The following TMEM132B variants were observed in gnomAD, a reference collection of about 807,000 sequenced individuals.
TMEM132B encodes the protein transmembrane protein 132B.
In TMEM132B, 18 loss-of-function variants were observed where a neutral mutation model predicts 90.8. That is an observed-to-expected ratio of 0.20 (90% confidence interval 0.14 to 0.29). TMEM132B has a LOEUF of 0.29. TMEM132B is among the 10% of genes least tolerant of loss of function. TMEM132B has a pLI of 1.00. For missense variants in TMEM132B, 1,096 were observed against 1,326.8 expected (o/e 0.83, Z 2.70); for synonymous variants, 504 against 523.3 (o/e 0.96, Z 0.50).
At chr12:125,313,090 C>T (rs571013120) in intron 1 of TMEM132B, among the ~76,000 whole-genome samples, 10 of 152,218 alleles carry the variant, frequency 6.6e-5, no homozygotes, top group East Asian at 3.9e-4. Flanking sequence ...GGCTTGGCTG[C>T]GTACTGAATC....
intron 1 of TMEM132B, chr12:125,326,516 C>T (rs1876573243): frequency 3.1e-6 from 4 of 1,305,808 alleles, no homozygotes; most frequent in Non-Finnish European, 4.3e-6. Context: ...GTATAGTAAA[C>T]ATCGGCTTAA....
intron 3 of TMEM132B, among the ~76,000 whole-genome samples, chr12:125,427,359 C>T (rs1880348523): frequency 6.6e-6 from 1 of 152,130 alleles, no homozygotes; most frequent in Non-Finnish European, 1.5e-5. Flanking sequence ...CTCTTGGCTC[C>T]ATTATAGATG....
chr12:125,644,313 A>T, intron 6 of TMEM132B, 32 bp downstream of exon 6: 1 of 1,610,098 alleles, frequency 6.2e-7, no homozygotes, highest in East Asian at 2.2e-5. Context: ...TGTGGATCCG[A>T]TTGTCCTGGA....
chr12:125,351,497 G>A (rs1277850879), intron 2 of TMEM132B, among the ~76,000 whole-genome samples: 1 of 152,136 alleles, frequency 6.6e-6, no homozygotes, highest in Non-Finnish European at 1.5e-5. Flanking sequence ...GGGAAACAAA[G>A]TCCAGCCAAG....
Position 125,601,084 on chromosome 12 carries a change from C to T in TMEM132B, c.1437+17090C>T, listed in dbSNP as rs555166401. Reference sequence around the variant, plus strand: ...GAGACAGAAAGTTAAAAAGGATATGCAGGACTTGAACTCAGCTCTGGATCA... The same window carrying T: ...GAGACAGAAAGTTAAAAAGGATATGTAGGACTTGAACTCAGCTCTGGATCA... On this transcript the variant is annotated intron_variant, in intron 5 of 8. Coordinates refer to ENST00000682704, the MANE Select transcript of TMEM132B (RefSeq NM_001366854.1). 2.0e-5 allele frequency among the ~76,000 whole-genome samples: 3 copies of T among 152,258 alleles called. No individual in the cohort carries two copies. In the East Asian group the frequency reaches 5.8e-4, roughly 29 times the overall value.
chr12:125,581,251 C>T (rs1885046698), intron 4 of TMEM132B, among the ~76,000 whole-genome samples: 1 of 152,092 alleles, frequency 6.6e-6, no homozygotes, highest in Non-Finnish European at 1.5e-5. Context: ...TTTCTCTTTC[C>T]CTAGTGTCTA....
At chr12:125,457,582 G>A (rs917348621) in intron 3 of TMEM132B, among the ~76,000 whole-genome samples, 1 of 152,232 alleles carries the variant, frequency 6.6e-6, no homozygotes, top group African/African-American at 2.4e-5. Context: ...ACAACTCTGA[G>A]GGGAGAGGCC....
intron 5 of TMEM132B, among the ~76,000 whole-genome samples, chr12:125,622,139 G>A (rs928947311): frequency 6.6e-6 from 1 of 151,986 alleles, no homozygotes; most frequent in African/African-American, 2.4e-5. Context: ...CCTCATTTAG[G>A]TCACCTCCCT....
chr12:125,549,705 C>T (rs1884172245), intron 4 of TMEM132B, among the ~76,000 whole-genome samples: 1 of 152,182 alleles, frequency 6.6e-6, no homozygotes, highest in Non-Finnish European at 1.5e-5. Context: ...CTTCTGTTTT[C>T]ATTTCCTCCC....
intron 1 of TMEM132B, among the ~76,000 whole-genome samples, chr12:125,195,138 G>A (rs1872896161): frequency 6.6e-6 from 1 of 152,044 alleles, no homozygotes; most frequent in East Asian, 1.9e-4. Flanking sequence ...CATCCTTCCT[G>A]CCTTCCTGCC....
intron 6 of TMEM132B, among the ~76,000 whole-genome samples, chr12:125,650,156 G>A (rs1886869945): frequency 6.6e-6 from 1 of 152,020 alleles, no homozygotes; most frequent in Non-Finnish European, 1.5e-5. Context: ...TTGGTCTGGG[G>A]TTCCTAAAGG....
intron 5 of TMEM132B, among the ~76,000 whole-genome samples, chr12:125,593,043 A>G (rs1885354790): frequency 6.6e-6 from 1 of 152,244 alleles, no homozygotes; most frequent in Non-Finnish European, 1.5e-5. Context: ...GCAACGCTTG[A>G]CAAAAATTTA....
intron 3 of TMEM132B, among the ~76,000 whole-genome samples, chr12:125,431,473 T>C (rs879575871): frequency 6.6e-6 from 1 of 151,946 alleles, no homozygotes; most frequent in Non-Finnish European, 1.5e-5. Context: ...AAGGTGAGAG[T>C]GTCAGGAGAG....
At position 125,406,178 on chromosome 12, in the gene TMEM132B, C is replaced by T. The variant is rs1879471031; in HGVS notation, c.960-9353C>T. Reference sequence around the variant, plus strand: ...GTAGACTGTGAGTACCTTTTACTGTCCAAACAGGAATCTTCTTTATCTCCT... The same window carrying T: ...GTAGACTGTGAGTACCTTTTACTGTTCAAACAGGAATCTTCTTTATCTCCT... On this transcript the variant is annotated intron_variant, in intron 2 of 8. Coordinates refer to ENST00000682704, the MANE Select transcript of TMEM132B (RefSeq NM_001366854.1). This position sits in a 1 kb window ranked among gnomAD's most constrained non-coding sequence, Gnocchi z 8.3. Among the ~76,000 whole-genome samples, 1 of 152,172 alleles carries T rather than the reference C, an allele frequency of 6.6e-6. No homozygotes were observed. Among genetic ancestry groups the T allele is most frequent in the Non-Finnish European group, 1.5e-5 (1 of 68,044 alleles).
intron 1 of TMEM132B, among the ~76,000 whole-genome samples, chr12:125,278,595 A>G (rs1278841103): frequency 6.6e-6 from 1 of 151,428 alleles, no homozygotes; most frequent in Admixed American, 6.6e-5. Context: ...CTAGGTATTG[A>G]GCATTGAGCT....
chr12:125,482,542 G>C (rs1438862852), intron 3 of TMEM132B, among the ~76,000 whole-genome samples: 2 of 152,188 alleles, frequency 1.3e-5, no homozygotes. Flanking sequence ...AAACCACAAT[G>C]AGATACCATC....
In TMEM132B at chr12:125,350,148, A is replaced by G; in HGVS notation, c.764A>G (p.Gln255Arg). 1 of 1,614,232 alleles carries G rather than the reference A, an allele frequency of 6.2e-7. No individual in the cohort carries two copies. Among genetic ancestry groups the G allele is most frequent in the Non-Finnish European group, 8.5e-7 (1 of 1,180,024 alleles). ...ATCCACTCGGGCCTGGAGAGCCCCC[A>G]GCAAGCGTTTCCAGCCCGAGAGAGG... ...NNIHSGLESP[Q>R]QAFPARERIG... The change falls in exon 2 of 9, where the codon CAG becomes CGG. Residue 255 changes from glutamine (Q) to arginine (R), a missense_variant. Gln to Arg is a conservative substitution (Grantham distance 43). Coordinates refer to ENST00000682704, the MANE Select transcript of TMEM132B (RefSeq NM_001366854.1).
At chr12:125,409,642 A>AGGG (rs1879646878) in intron 2 of TMEM132B, among the ~76,000 whole-genome samples, 1 of 25,980 alleles carries the variant, frequency 3.8e-5, no homozygotes, top group Admixed American at 4.4e-4. Context: ...GGAGTGGAGG[A>AGGG]GTGGAGTGGA....
chr12:125,212,425 G>A (rs1202124417), intron 1 of TMEM132B, among the ~76,000 whole-genome samples: 1 of 152,064 alleles, frequency 6.6e-6, no homozygotes, highest in Non-Finnish European at 1.5e-5. Context: ...GGGCGTGGTG[G>A]CTCATGCTTG....
Sources: allele counts gnomAD v4.1 joint callset (sites outside exome capture counted in the v4.1 genomes callset), GRCh38; gene constraint gnomAD v4.1.1; non-coding constraint Gnocchi (gnomAD v3.1); transcripts MANE v1.5; gene names NCBI Gene and HGNC (gene_info 2026-07-23, HGNC 2026-07-21).